Variants in ABCA6 observed in about 807,000 individuals in gnomAD.
ABCA6 encodes the protein ATP binding cassette subfamily A member 6.
A neutral mutation model predicts 191.2 loss-of-function variants in ABCA6; 164 were observed. The ratio of observed to expected loss-of-function variants is 0.86; its 90% confidence interval spans 0.76 to 0.98. The LOEUF is 0.98. ABCA6 is among the 50% of genes least tolerant of loss of function. The probability of loss-of-function intolerance (pLI) is 0.00; values close to 1 mark genes in which losing one functional copy is unlikely to be tolerated. For synonymous variants in ABCA6, 636 were observed against 647.7 expected, an observed-to-expected ratio of 0.98 and a Z score of 0.27; for missense variants, 1,958 against 1,894.1, an observed-to-expected ratio of 1.03 and a Z score of -0.63.
intron 6 of ABCA6, among the ~76,000 whole-genome samples, chr17:69,130,296 G>A (rs1395998947): frequency 6.6e-6 from 1 of 150,934 alleles, no homozygotes; most frequent in Non-Finnish European, 1.5e-5. Context: ...CAGTCTGGGT[G>A]ACAGAGCGAG....
chr17:69,089,140 A>G (rs1364520036), intron 27 of ABCA6, among the ~76,000 whole-genome samples: 1 of 152,214 alleles, frequency 6.6e-6, no homozygotes, highest in Non-Finnish European at 1.5e-5. Flanking sequence ...TTTATTATTC[A>G]GTTCTTGCCT....
At chr17:69,096,586 T>G in intron 24 of ABCA6, 42 bp downstream of exon 24, 2 of 1,310,812 alleles carry the variant, frequency 1.5e-6, no homozygotes, top group Non-Finnish European at 2.0e-6. Flanking sequence ...AATTTATTAT[T>G]AATTACTTTA....
chr17:69,097,258 G>A (rs1412160199), intron 23 of ABCA6, among the ~76,000 whole-genome samples: 1 of 152,134 alleles, frequency 6.6e-6, no homozygotes, highest in Admixed American at 6.5e-5. Context: ...GGGCATGGTG[G>A]TGCAAGCCTG....
rs2073295547 is a variant in ABCA6, at chr17:69,106,060, C to T, written c.2541G>A (p.Lys847=). The part of the protein sequence containing the change: ...VFAMARLRFL[K]LKRQTKVLLT... ...ATAACACTTTAGTTTGACGTTTTAA[C>T]TTTAAGAAACGGAGCCGTGCCATGG... The change falls in exon 19 of 39, where the codon AAG becomes AAA. Residue 847 remains lysine (K), a synonymous_variant. Coordinates refer to ENST00000284425, the MANE Select transcript of ABCA6 (RefSeq NM_080284.3). 1.2e-6 allele frequency: 2 copies of T among 1,612,818 alleles called. No homozygotes were observed. The highest frequency in any genetic ancestry group is 4.5e-5 in the East Asian group (2 of 44,864).
chr17:69,117,753 T>C, intron 11 of ABCA6, 145 bp downstream of exon 11: 2 of 586,256 alleles, frequency 3.4e-6, no homozygotes, highest in Non-Finnish European at 6.0e-6. Flanking sequence ...TTCTTAATCA[T>C]GATTAATGTC....
intron 4 of ABCA6, 148 bp downstream of exon 4, chr17:69,135,944 C>T (rs932529498): frequency 1.6e-5 from 12 of 764,844 alleles, no homozygotes; most frequent in African/African-American, 7.0e-5. Flanking sequence ...TAGGAACATA[C>T]GATTGACCTT....
chr17:69,111,509 T>G (rs2073421480), intron 16 of ABCA6: 1 of 152,280 alleles, frequency 6.6e-6, no homozygotes, highest in Non-Finnish European at 1.5e-5. Flanking sequence ...CTCATGATAG[T>G]GAGTTCTCAT....
chr17:69,106,018 T>A lies in ABCA6; in HGVS notation c.2573+10A>T. 1 of 1,601,344 alleles carries A rather than the reference T, an allele frequency of 6.2e-7. No homozygotes were observed. The highest frequency in any genetic ancestry group is 1.7e-5 in the Admixed American group (1 of 57,774). On this transcript the variant is annotated intron_variant, in intron 19 of 38. Transcript: ENST00000284425. The stretch of plus-strand genomic sequence containing the variant: ...ATGATCTAACAAAACCACAGTACTC[T>A]CCTACTCACAGGGTCAATAACACTT...
At chr17:69,141,226 C>T (rs1420213084) in intron 1 of ABCA6, among the ~76,000 whole-genome samples, 1 of 151,856 alleles carries the variant, frequency 6.6e-6, no homozygotes, top group African/African-American at 2.4e-5. Flanking sequence ...GTAATTTTAC[C>T]TTCAGATTGA....
Position 69,091,519 on chromosome 17 carries a change from ACTT to A in ABCA6, c.3409-260_3409-258del, listed in dbSNP as rs902367772. On this transcript the variant is annotated intron_variant, in intron 25 of 38. Coordinates refer to ENST00000284425, the MANE Select transcript of ABCA6 (RefSeq NM_080284.3). ...GGTGAAAGCTAAAATGACCAAATAG[ACTT>A]CTTTTTTTTTTTTTTTTTGAGACGG... is the stretch of plus-strand genomic sequence containing the variant. Among the ~76,000 whole-genome samples, 6 of 80,454 alleles carry A rather than the reference ACTT, an allele frequency of 7.5e-5. 1 individual carries two copies. The highest frequency in any genetic ancestry group is 1.6e-4 in the Non-Finnish European group (6 of 37,814). 52.8% of individuals were successfully genotyped at this position (80,454 alleles called of 152,430 possible).
chr17:69,117,982 T>C (rs2073568191), intron 10 of ABCA6, 26 bp from the exon 11 acceptor site: 5 of 1,536,114 alleles, frequency 3.3e-6, no homozygotes, highest in Non-Finnish European at 4.5e-6. Context: ...GGGTGCTTAC[T>C]TAGCCAACAC....
chr17:69,133,799 A>C lies in ABCA6; in HGVS notation c.633T>G (p.Pro211=), dbSNP rs1028912690. Residue 211 remains proline (P), a synonymous_variant, in exon 6 of 39, where the codon CCT becomes CCG. Transcript: ENST00000284425. Reference sequence around the variant, plus strand: ...TGTGAAGAAGATTTTTAGTTATGAAAGGTAATGTCTTCATAGTTATAGCAG... The same window carrying C: ...TGTGAAGAAGATTTTTAGTTATGAACGGTAATGTCTTCATAGTTATAGCAG... ...SVTAITMKTL[P]FITKNLLHNE... 1.9e-6 allele frequency: 3 copies of C among 1,613,054 alleles called. No individual in the cohort carries two copies. The highest frequency in any genetic ancestry group is 2.5e-6 in the Non-Finnish European group (3 of 1,179,414).
In ABCA6 at chr17:69,100,840, T is replaced by C. The variant is rs774512045; in HGVS notation, c.2969A>G (p.Asn990Ser). ...IISNGLLQMF[N>S]HTQHIRIESS... ...CTCAATTCGAATATGTTGTGTGTGA[T>C]TAAACATTTGAAGTAGCCCATTGCT... Residue 990 changes from asparagine (N) to serine (S), a missense_variant, in exon 22 of 39, where the codon AAT (asparagine) becomes AGT (serine). Asn to Ser is a conservative substitution (Grantham distance 46, BLOSUM62 1). Transcript: ENST00000284425. 3.1e-6 allele frequency: 5 copies of C among 1,612,950 alleles called. No homozygotes were observed. Among genetic ancestry groups the C allele is most frequent in the Non-Finnish European group, 4.2e-6 (5 of 1,179,482 alleles).
Position 69,096,350 on chromosome 17 carries a change from T to C in ABCA6, c.3298A>G (p.Ile1100Val). Residue 1100 changes from isoleucine (I) to valine (V), a missense_variant, in exon 25 of 39, where the codon ATA (isoleucine) becomes GTA (valine). Ile to Val is a conservative substitution (Grantham distance 29, BLOSUM62 3). Coordinates refer to ENST00000284425, the MANE Select transcript of ABCA6 (RefSeq NM_080284.3). The stretch of plus-strand genomic sequence containing the variant: ...GAAGCTGCATAACCAGGAGTAACTA[T>C]AACCTGAGCATAAAAGAAATAATAA... Reference protein sequence around the residue: ...ITSQIVFALVIVTPGYAASLV... With the variant: ...ITSQIVFALVVVTPGYAASLV... 7.0e-7 allele frequency: 1 copy of C among 1,422,008 alleles called. No homozygotes were observed. Among genetic ancestry groups the C allele is most frequent in the Non-Finnish European group, 9.5e-7 (1 of 1,053,792 alleles). 88.1% of individuals were successfully genotyped at this position (1,422,008 alleles called of 1,614,324 possible).
rs1195658348 is a variant in ABCA6, at chr17:69,128,660, T to A, written c.1078A>T (p.Asn360Tyr). The change falls in exon 8 of 39, where the codon AAT becomes TAT. Residue 360 changes from asparagine (N) to tyrosine (Y), a missense_variant. Coordinates refer to ENST00000284425, the MANE Select transcript of ABCA6 (RefSeq NM_080284.3). ...GTAAAGGCAAAAGGGCTACAAATAT[T>A]CAAAATCCACTCCAGAGATGAAGGA... ...QLPSSLEWIL[N>Y]ICSPFAFTTG... 10 of 1,613,062 alleles carry A rather than the reference T, an allele frequency of 6.2e-6. No homozygotes were observed. The highest frequency in any genetic ancestry group is 5.1e-6 in the Non-Finnish European group (6 of 1,179,494).
At position 69,113,684 on chromosome 17, in the gene ABCA6, A is replaced by G; in HGVS notation, c.1836T>C (p.Ala612=). 3.7e-6 allele frequency: 6 copies of G among 1,612,954 alleles called. No homozygotes were observed. The highest frequency in any genetic ancestry group is 5.1e-6 in the Non-Finnish European group (6 of 1,179,286). Residue 612 remains alanine (A), a synonymous_variant, in exon 14 of 39, where the codon GCT becomes GCC. Coordinates refer to ENST00000284425, the MANE Select transcript of ABCA6 (RefSeq NM_080284.3). The part of the protein sequence containing the change: ...LDMQNIQDNL[A]KHLSEGQKRK... Reference sequence around the variant, plus strand: ...TTTTCTGTCCTTCACTTAAATGTTTAGCAAGGTTATCTTGAATGTTTTGCA... The same window carrying G: ...TTTTCTGTCCTTCACTTAAATGTTTGGCAAGGTTATCTTGAATGTTTTGCA...
intron 15 of ABCA6, chr17:69,112,745 C>T (rs2073451603): frequency 6.5e-6 from 1 of 154,900 alleles, no homozygotes; most frequent in East Asian, 1.9e-4. Flanking sequence ...GAAGCCTGGA[C>T]TTCACCACTA....
intron 24 of ABCA6, 99 bp downstream of exon 24, chr17:69,096,529 C>T: frequency 1.4e-5 from 15 of 1,038,774 alleles, no homozygotes; most frequent in Non-Finnish European, 1.8e-5. Flanking sequence ...TGGTTTATTA[C>T]AAAATATGAA....
chr17:69,088,926 C>A (rs139590647), intron 27 of ABCA6, among the ~76,000 whole-genome samples: 1 of 152,232 alleles, frequency 6.6e-6, no homozygotes, highest in East Asian at 1.9e-4. Flanking sequence ...CTTCTCGAAG[C>A]CTTTCCTGAC....
Sources: allele counts gnomAD v4.1 joint callset (sites outside exome capture counted in the v4.1 genomes callset), GRCh38; gene constraint gnomAD v4.1.1; transcripts MANE v1.5; gene names NCBI Gene and HGNC (gene_info 2026-07-23, HGNC 2026-07-21).